The following SNU13 variants were observed in gnomAD, a reference collection of about 807,000 sequenced individuals.
SNU13 encodes the protein small nuclear ribonucleoprotein 13.
A neutral mutation model predicts 12.4 loss-of-function variants in SNU13; 2 were observed. That is an observed-to-expected ratio of 0.16 (90% CI 0.07 to 0.51). The LOEUF is 0.51. Among genes scored for constraint, SNU13 ranks in the 20% least tolerant of loss-of-function variants. SNU13 has a pLI of 0.96. For synonymous variants in SNU13, 68 were observed against 66.5 expected, an observed-to-expected ratio of 1.02 and a Z score of -0.11; for missense variants, 66 against 157.8, an observed-to-expected ratio of 0.42 and a Z score of 3.12.
At chr22:41,676,842 A>T (rs2068218781) in intron 2 of SNU13, among the ~76,000 whole-genome samples, 1 of 151,868 alleles carries the variant, frequency 6.6e-6, no homozygotes, top group Non-Finnish European at 1.5e-5. Context: ...CCTTTGGTTC[A>T]TCCATATTGG....
At chr22:41,683,374 A>G (rs929499598) in intron 1 of SNU13, among the ~76,000 whole-genome samples, 3 of 152,098 alleles carry the variant, frequency 2.0e-5, no homozygotes, top group African/African-American at 7.2e-5. Context: ...ACTCCCAAGT[A>G]GCTGGGACTA....
At chr22:41,679,399 A>G (rs1371923614) in intron 2 of SNU13, among the ~76,000 whole-genome samples, 1 of 152,164 alleles carries the variant, frequency 6.6e-6, no homozygotes, top group East Asian at 1.9e-4. Context: ...TTTACTAAAA[A>G]TACAAAATTA....
chr22:41,682,337 G>GC lies in SNU13; in HGVS notation c.4-1974dup, dbSNP rs745927193. The GC allele has an allele frequency of 1.4e-5, 23 of 1,608,500 alleles. No individual in the cohort carries two copies. The East Asian group carries it at 2.0e-4, about 14-fold the overall frequency. On this transcript the variant is annotated intron_variant, in intron 1 of 2. Coordinates refer to ENST00000401959, the MANE Select transcript of SNU13 (RefSeq NM_001003796.2). ...CTCGGGAGGTGACCCGGAGATAATG[G>GC]CCCAGTAGGAACACTCACCATAGCG...
chr22:41,688,919 A>C (rs990551189), upstream of SNU13: 1 of 1,454,998 alleles, frequency 6.9e-7, no homozygotes, highest in Admixed American at 2.1e-5. Context: ...CAGGAAGCGA[A>C]GGTGACGCTA....
chr22:41,687,242 C>T (rs965167323), intron 1 of SNU13, among the ~76,000 whole-genome samples: 2 of 152,186 alleles, frequency 1.3e-5, no homozygotes, highest in African/African-American at 4.8e-5. Flanking sequence ...CAAGCATGAG[C>T]CACCGCGCCT....
intron 2 of SNU13, 63 bp downstream of exon 2, chr22:41,680,181 A>G: frequency 6.6e-7 from 1 of 1,519,838 alleles, no homozygotes. Flanking sequence ...AAATCAGATC[A>G]GAGGCCCCAG....
intron 2 of SNU13, among the ~76,000 whole-genome samples, chr22:41,678,081 T>C (rs190570400): frequency 1.6e-4 from 25 of 152,074 alleles, no homozygotes; most frequent in African/African-American, 6.0e-4. Flanking sequence ...GTTCACACCA[T>C]TTTCCTGCCT....
At chr22:41,680,138 A>G (rs2068249812) in intron 2 of SNU13, 106 bp downstream of exon 2, 2 of 1,342,056 alleles carry the variant, frequency 1.5e-6, no homozygotes, top group Non-Finnish European at 9.9e-7. Context: ...CACTGGTTGT[A>G]GTCGAGAGCA....
intron 1 of SNU13, 105 bp downstream of exon 1, chr22:41,688,689 G>C: frequency 6.9e-7 from 1 of 1,459,024 alleles, no homozygotes; most frequent in Non-Finnish European, 9.3e-7. Context: ...CCCAACGCCG[G>C]CGGATGAGAC....
rs982904512 is a variant in SNU13 at position 41,680,154 on chromosome 22, C to G, written c.124+90G>C. 4 of 1,445,118 alleles carry G rather than the reference C, an allele frequency of 2.8e-6. No individual in the cohort carries two copies. The African/African-American group carries it at 5.7e-5, about 21-fold the overall frequency. 89.5% of individuals were successfully genotyped at this position (1,445,118 alleles called of 1,614,324 possible). A position where few individuals can be genotyped will look rare whatever the true frequency, so the allele number is the denominator to read the frequency against. ...ACTGGTTGTAGTCGAGAGCAGCTAGCCCTCCTCCCAAACTGGAAATCAGAT... is the reference window on the plus strand; with the variant it reads ...ACTGGTTGTAGTCGAGAGCAGCTAGGCCTCCTCCCAAACTGGAAATCAGAT... On this transcript the variant is annotated intron_variant, in intron 2 of 2. Transcript: ENST00000401959.
In SNU13 at chr22:41,677,497, G is replaced by C. The variant is rs1201563093; in HGVS notation, c.125-2302C>G. On this transcript the variant is annotated intron_variant, in intron 2 of 2. Coordinates refer to ENST00000401959, the MANE Select transcript of SNU13 (RefSeq NM_001003796.2). ...CCATGATCAATGCCAATGCACTCCA[G>C]CCTGGGCTGCAGAGTAAGACCCTAT... 1.3e-5 allele frequency among the ~76,000 whole-genome samples: 2 copies of C among 152,098 alleles called. 1 individual carries two copies. Among genetic ancestry groups the C allele is most frequent in the Non-Finnish European group, 2.9e-5 (2 of 68,014 alleles).
chr22:41,688,939 G>C (rs984588702), upstream of SNU13: 11 of 1,413,584 alleles, frequency 7.8e-6, no homozygotes, highest in Admixed American at 9.7e-5. Context: ...ACGCGAGCGA[G>C]TGGGCCCCGC....
Position 41,686,965 on chromosome 22 carries a change from TA to T in SNU13, c.3+1828del, listed in dbSNP as rs570810014. On this transcript the variant is annotated intron_variant, in intron 1 of 2. Transcript: ENST00000401959. ...TAATTTATCACAAGTTTTATTTATT[TA>T]TTTTTTTGAGACGGAGTCTCAAACT... is the stretch of plus-strand genomic sequence containing the variant. 7.3e-3 allele frequency among the ~76,000 whole-genome samples: 1,108 copies of T among 151,332 alleles called. 7 individuals carry two copies. Among genetic ancestry groups the T allele is most frequent in the Middle Eastern group, 0.054 (16 of 294 alleles).
Position 41,680,227 on chromosome 22 carries a change from T to C in SNU13, c.124+17A>G. 1.2e-6 allele frequency: 2 copies of C among 1,607,478 alleles called. No individual in the cohort carries two copies. The highest frequency in any genetic ancestry group is 1.7e-6 in the Non-Finnish European group (2 of 1,175,584). On this transcript the variant is annotated intron_variant, in intron 2 of 2. Transcript: ENST00000401959. ...GTGCCTTTAACATTCCCCCAGAGCA[T>C]CCTGTGGCTGCCTTACCCTCATTGG... is the stretch of plus-strand genomic sequence containing the variant.
At chr22:41,685,955 C>T (rs1168892056) in intron 1 of SNU13, among the ~76,000 whole-genome samples, 2 of 133,590 alleles carry the variant, frequency 1.5e-5, no homozygotes, top group Non-Finnish European at 3.2e-5. Flanking sequence ...GGTGACAGAG[C>T]GAGACTCTGT....
chr22:41,682,085 C>T (rs2068268556), intron 1 of SNU13, among the ~76,000 whole-genome samples: 1 of 151,984 alleles, frequency 6.6e-6, no homozygotes, highest in Non-Finnish European at 1.5e-5. Flanking sequence ...TCGTGTGTAA[C>T]GTGCGAATCG....
At chr22:41,679,036 T>C (rs1227272422) in intron 2 of SNU13, among the ~76,000 whole-genome samples, 6 of 152,082 alleles carry the variant, frequency 3.9e-5, no homozygotes, top group Admixed American at 2.6e-4. Context: ...GGCAGGCAGA[T>C]TGCCTGAGCT....
intron 1 of SNU13, 61 bp downstream of exon 1, chr22:41,688,733 G>C: frequency 6.3e-7 from 1 of 1,590,274 alleles, no homozygotes; most frequent in Non-Finnish European, 8.6e-7. Flanking sequence ...TAACAGGCTA[G>C]GGAGTGAACG....
intron 1 of SNU13, among the ~76,000 whole-genome samples, chr22:41,686,788 G>A (rs1429037135): frequency 2.7e-5 from 4 of 149,994 alleles, no homozygotes; most frequent in African/African-American, 4.9e-5. Flanking sequence ...CACCACGCCT[G>A]GCTAATTTTT....
Sources: allele counts gnomAD v4.1 joint callset (sites outside exome capture counted in the v4.1 genomes callset), GRCh38; gene constraint gnomAD v4.1.1; transcripts MANE v1.5; gene names NCBI Gene and HGNC (gene_info 2026-07-23, HGNC 2026-07-21).